WWTR1: variants seen among roughly 807,000 people sequenced by gnomAD.
WWTR1 encodes WW domain-containing transcription regulator protein 1.
In WWTR1, 13 loss-of-function variants were observed where a neutral mutation model predicts 40.1. The ratio of observed to expected loss-of-function variants is 0.32; its 90% CI spans 0.21 to 0.52. The LOEUF is 0.52. Ranked by LOEUF, WWTR1 falls within the 20% of genes least tolerant of loss-of-function variation. The pLI is 0.97. For missense variants in WWTR1, 436 were observed against 523.1 expected, an observed-to-expected ratio of 0.83 and a Z score of 1.63; for synonymous variants, 230 against 210.1, an observed-to-expected ratio of 1.09 and a Z score of -0.82.
intron 1 of WWTR1, among the ~76,000 whole-genome samples, chr3:149,689,380 C>CAAAAA (rs3044083): frequency 5.2e-4 from 19 of 36,688 alleles, no homozygotes; most frequent in Non-Finnish European, 5.8e-4. Flanking sequence ...GAACCTATCT[C>CAAAAA]AAAAAAAAAA....
chr3:149,595,083 T>C (rs1738930719), intron 2 of WWTR1, among the ~76,000 whole-genome samples: 1 of 144,478 alleles, frequency 6.9e-6, no homozygotes, highest in Non-Finnish European at 1.5e-5. Context: ...TGCCTCAGCC[T>C]CCCTAGTAGC....
chr3:149,724,564 C>T (rs563079987), intron 3 of WWTR1: 1 of 151,330 alleles, frequency 6.6e-6, no homozygotes, highest in East Asian at 1.9e-4. Context: ...AAGCCATGGA[C>T]CATAACCCTA....
At chr3:149,543,379 G>A (rs1164626918) in intron 3 of WWTR1, among the ~76,000 whole-genome samples, 1 of 151,698 alleles carries the variant, frequency 6.6e-6, no homozygotes, top group Non-Finnish European at 1.5e-5. Context: ...TCAGGAGATC[G>A]AGACCATCCT....
chr3:149,562,730 A>G (rs917836002), intron 3 of WWTR1, among the ~76,000 whole-genome samples: 5 of 151,890 alleles, frequency 3.3e-5, no homozygotes, highest in African/African-American at 1.2e-4. Context: ...CACTTAAATG[A>G]TATTGTTTTG....
chr3:149,707,910 T>A (rs933945151), upstream of WWTR1, among the ~76,000 whole-genome samples: 4 of 149,696 alleles, frequency 2.7e-5, no homozygotes, highest in Non-Finnish European at 6.0e-5. Flanking sequence ...TCATACCAAT[T>A]GGTATGGCCA....
At chr3:149,563,774 C>T (rs1040577698) in intron 3 of WWTR1, among the ~76,000 whole-genome samples, 3 of 152,130 alleles carry the variant, frequency 2.0e-5, no homozygotes, top group Non-Finnish European at 4.4e-5. Flanking sequence ...TGCTTTGAGG[C>T]GGAGTCTGGC....
In WWTR1 at chr3:149,527,865, A is replaced by G. The variant is rs1218394447; in HGVS notation, c.876T>C (p.Thr292=). The change falls in exon 5 of 7, where the codon ACT becomes ACC. Residue 292 remains threonine, a synonymous_variant. Coordinates refer to ENST00000360632, the MANE Select transcript of WWTR1 (RefSeq NM_015472.6). Reference sequence around the variant, plus strand: ...TGAGGAAAGGATCTGAGCTATTATTAGTGATGGATCTCATGTCTGGGGTCA... The same window carrying G: ...TGAGGAAAGGATCTGAGCTATTATTGGTGATGGATCTCATGTCTGGGGTCA... ...PTMTPDMRSI[T]NNSSDPFLNG... 3 of 1,614,010 alleles carry G rather than the reference A, an allele frequency of 1.9e-6. No homozygotes were observed. The Admixed American group carries it at 5.0e-5, about 27-fold the overall frequency.
At chr3:149,594,500 C>A (rs191159410) in intron 2 of WWTR1, among the ~76,000 whole-genome samples, 2 of 152,218 alleles carry the variant, frequency 1.3e-5, no homozygotes, top group South Asian at 2.1e-4. Context: ...TTCACAAAAT[C>A]ATTTATGCTG....
chr3:149,572,616 T>C lies in WWTR1; in HGVS notation c.568+248A>G, dbSNP rs147787459. Reference sequence around the variant, plus strand: ...CACCGTCTGGGTGCATGAAGAGACATAGAAACAGCCAGAACCACTTATGAG... The same window carrying C: ...CACCGTCTGGGTGCATGAAGAGACACAGAAACAGCCAGAACCACTTATGAG... On this transcript the variant is annotated intron_variant, in intron 3 of 6. Coordinates refer to ENST00000360632, the MANE Select transcript of WWTR1 (RefSeq NM_015472.6). Among the ~76,000 whole-genome samples, 17 of 152,074 alleles carry C rather than the reference T, an allele frequency of 1.1e-4. No individual in the cohort carries two copies. The East Asian group carries it at 2.5e-3, about 23-fold the overall frequency.
intron 2 of WWTR1, among the ~76,000 whole-genome samples, chr3:149,573,315 T>A (rs1206609420): frequency 6.6e-6 from 1 of 152,066 alleles, no homozygotes; most frequent in Non-Finnish European, 1.5e-5. Flanking sequence ...AGCACCTCAG[T>A]TGCTTCTCAG....
chr3:149,543,942 T>A (rs1012886941), intron 3 of WWTR1, among the ~76,000 whole-genome samples: 1 of 150,948 alleles, frequency 6.6e-6, no homozygotes, highest in African/African-American at 2.4e-5. Flanking sequence ...ATGTATATAT[T>A]TTAAACATAG....
intron 1 of WWTR1, among the ~76,000 whole-genome samples, chr3:149,692,683 G>T (rs1714863852): frequency 6.6e-6 from 1 of 152,106 alleles, no homozygotes; most frequent in South Asian, 2.1e-4. Flanking sequence ...GCCCAGGCTG[G>T]AGTGCAATGG....
intron 2 of WWTR1, among the ~76,000 whole-genome samples, chr3:149,614,754 G>C (rs1739886516): frequency 6.6e-6 from 1 of 152,180 alleles, no homozygotes; most frequent in South Asian, 2.1e-4. Flanking sequence ...AAGCCGAGGT[G>C]AGTGGATCAC....
intron 2 of WWTR1, among the ~76,000 whole-genome samples, chr3:149,578,501 A>G (rs930796613): frequency 1.3e-5 from 2 of 152,220 alleles, no homozygotes; most frequent in Admixed American, 1.3e-4. Flanking sequence ...TTCAACAACC[A>G]TAGATCGTAT....
At chr3:149,555,247 T>C (rs2107963317) in intron 3 of WWTR1, among the ~76,000 whole-genome samples, 1 of 152,312 alleles carries the variant, frequency 6.6e-6, no homozygotes, top group Non-Finnish European at 1.5e-5. Flanking sequence ...AGCATGCCCT[T>C]TTAGTAAACA....
chr3:149,581,467 G>C (rs1738151686), intron 2 of WWTR1, among the ~76,000 whole-genome samples: 1 of 152,096 alleles, frequency 6.6e-6, no homozygotes, highest in East Asian at 1.9e-4. Context: ...AAAGTTTCCG[G>C]TCAGATTTTC....
intron 1 of WWTR1, among the ~76,000 whole-genome samples, chr3:149,695,355 T>C (rs1476868853): frequency 6.6e-6 from 1 of 152,194 alleles, no homozygotes; most frequent in African/African-American, 2.4e-5. Context: ...GAGGTGATGA[T>C]ACCCCATTTA....
At chr3:149,625,180 G>A (rs1740489757) in intron 2 of WWTR1, among the ~76,000 whole-genome samples, 1 of 143,904 alleles carries the variant, frequency 6.9e-6, no homozygotes, top group Admixed American at 7.2e-5. Context: ...GGAGTGCAGT[G>A]GTGCGATCTC....
At chr3:149,648,373 G>C (rs1332857502) in intron 2 of WWTR1, among the ~76,000 whole-genome samples, 1 of 151,916 alleles carries the variant, frequency 6.6e-6, no homozygotes, top group African/African-American at 2.4e-5. Flanking sequence ...TGCCAAGCAA[G>C]ACAAACATCG....
Sources: gnomAD v4.1 joint callset for allele counts (sites outside exome capture counted in the v4.1 genomes callset) on GRCh38, gnomAD v4.1.1 for gene constraint, MANE v1.5 for transcripts, NCBI Gene and HGNC (gene_info 2026-07-23, HGNC 2026-07-21) for gene names.